The following OSBPL7 variants were observed in gnomAD, a reference collection of about 807,000 sequenced individuals.
The protein encoded by OSBPL7 is oxysterol-binding protein-related protein 7.
Under a neutral mutation model 115.8 loss-of-function variants are expected in OSBPL7, and 66 were observed. That is an observed-to-expected ratio of 0.57 (90% CI 0.47 to 0.70). The LOEUF is 0.70. OSBPL7 is among the 30% of genes least tolerant of loss of function. The pLI is 0.00. For synonymous variants in OSBPL7, 441 were observed against 439.2 expected, an observed-to-expected ratio of 1.00 and a Z score of -0.05; for missense variants, 902 against 1,125.5, an observed-to-expected ratio of 0.80 and a Z score of 2.84.
rs747610933 is a variant in OSBPL7 at position 47,815,401 on chromosome 17, G to C, written c.1120-49C>G. The C allele has an allele frequency of 1.9e-6, 3 of 1,606,574 alleles. No individual in the cohort carries two copies. The Admixed American group carries it at 5.1e-5, about 27-fold the overall frequency. On this transcript the variant is annotated intron_variant, in intron 12 of 22. Transcript: ENST00000007414. ...TCAGGCTCCGGGGCCAAGCCGGGGG[G>C]ATCAAGCAGGGCACCCGCTTGCCTG...
rs957212213 is a variant in OSBPL7 at position 47,818,255 on chromosome 17, C to T, written c.598+14G>A. The T allele has an allele frequency of 6.2e-6, 10 of 1,608,380 alleles. No homozygotes were observed. In the African/African-American group the frequency reaches 1.1e-4, roughly 17 times the overall value. ...GGGCCTACCCTTGGAGGTGCTGCGC[C>T]TAGGGCCCCTCACCATGAGAGCAGC... On this transcript the variant is annotated intron_variant, in intron 7 of 22. Transcript: ENST00000007414.
chr17:47,817,344 TG>T lies in OSBPL7; in HGVS notation c.613del (p.Gln205ArgfsTer33). On this transcript the variant is annotated frameshift_variant, in exon 8 of 23. Transcript: ENST00000007414. LOFTEE classifies it high-confidence loss of function. ...CCTGTGTAGTTCCTGGAGCTTCCCC[TG>T]ACACTCAGAGAGCTCTGCGGGGAAA... ...DRCSHELSEC[Q>X]GKLQELHRLL... 6.2e-7 allele frequency: 1 copy of T among 1,602,086 alleles called. No homozygotes were observed. The highest frequency in any genetic ancestry group is 8.5e-7 in the Non-Finnish European group (1 of 1,176,806).
chr17:47,814,479 A>ACCCCCCAACCACCCCCC, intron 14 of OSBPL7, 42 bp downstream of exon 14: 1 of 1,086,692 alleles, frequency 9.2e-7, no homozygotes, highest in Non-Finnish European at 1.4e-6. Flanking sequence ...CTGTTTTTCC[A>ACCCCCCAACCACCCCCC]CCCGCCTCCC....
At chr17:47,818,919 C>T (rs2033312982) in intron 5 of OSBPL7, 67 bp downstream of exon 5, 1 of 1,353,600 alleles carries the variant, frequency 7.4e-7, no homozygotes, top group African/African-American at 1.4e-5. Flanking sequence ...CAGCCCCTGC[C>T]CCTGTGTGTT....
At position 47,820,507 on chromosome 17, in the gene OSBPL7, G is replaced by A. The variant is rs558839272; in HGVS notation, c.-87-142C>T. 14 of 542,750 alleles carry A rather than the reference G, an allele frequency of 2.6e-5. No homozygotes were observed. In the East Asian group the frequency reaches 4.5e-4, roughly 17 times the overall value. 33.6% of individuals were successfully genotyped at this position (542,750 alleles called of 1,614,324 possible). On this transcript the variant is annotated intron_variant, in intron 1 of 22. Coordinates refer to ENST00000007414, the MANE Select transcript of OSBPL7 (RefSeq NM_145798.3). The stretch of plus-strand genomic sequence containing the variant: ...AAGCCTCTCCCAAGTCTGCCCCTCT[G>A]TCCCGACCCCACCCATTTTCACCTG...
intron 20 of OSBPL7, 33 bp from the exon 21 acceptor site, chr17:47,809,023 C>T: frequency 6.2e-7 from 1 of 1,613,802 alleles, no homozygotes; most frequent in Middle Eastern, 1.7e-4. Context: ...GGCAGGTGCA[C>T]CATGCCTGAG....
Position 47,810,629 on chromosome 17 carries a change from A to C in OSBPL7, c.1845T>G (p.Ile615Met), listed in dbSNP as rs752135128. Residue 615 changes from isoleucine to methionine, a missense_variant, in exon 18 of 23, where the codon ATT becomes ATG. Ile to Met is a conservative substitution (Grantham distance 10, BLOSUM62 1). Transcript: ENST00000007414. ...KNKFWGKSLEIVPVGTVNVSL... is the reference protein window; with the variant it reads ...KNKFWGKSLEMVPVGTVNVSL... The stretch of plus-strand genomic sequence containing the variant: ...TGACGTTGACTGTTCCCACAGGCAC[A>C]ATCTCCAGGGATTTGCCCCAGAACT... The C allele has an allele frequency of 6.2e-7, 1 of 1,614,184 alleles. No individual in the cohort carries two copies.
intron 18 of OSBPL7, 116 bp from the exon 19 acceptor site, chr17:47,809,594 C>A: frequency 8.4e-7 from 1 of 1,193,920 alleles, no homozygotes; most frequent in East Asian, 2.4e-5. Context: ...CCCTGGGGTC[C>A]CAACTCCAGT....
At chr17:47,814,902 G>A in intron 13 of OSBPL7, 1 of 563,200 alleles carries the variant, frequency 1.8e-6, no homozygotes, top group African/African-American at 1.9e-5. Context: ...GAGGGTCAGG[G>A]TTTTGGAAGA....
At chr17:47,815,518 A>G in intron 12 of OSBPL7, 166 bp from the exon 13 acceptor site, 1 of 820,854 alleles carries the variant, frequency 1.2e-6, no homozygotes, top group Non-Finnish European at 1.9e-6. Flanking sequence ...AGAGCGGGAC[A>G]AAGGCATAGT....
intron 16 of OSBPL7, 22 bp from the exon 17 acceptor site, chr17:47,810,857 C>T (rs777693100): frequency 1.2e-5 from 19 of 1,610,976 alleles, no homozygotes; most frequent in South Asian, 5.5e-5. Context: ...AAGAAGTTAT[C>T]TTGAGGCTGT....
In OSBPL7 at chr17:47,816,959, C is replaced by T; in HGVS notation, c.703-87G>A. The T allele has an allele frequency of 1.5e-6, 2 of 1,320,560 alleles. No homozygotes were observed. The highest frequency in any genetic ancestry group is 2.4e-5 in the South Asian group (2 of 84,158). The allele number at this position is 1,320,560 out of a possible 1,614,324, so 81.8% of individuals were successfully genotyped here. On this transcript the variant is annotated intron_variant, in intron 8 of 22. Coordinates refer to ENST00000007414, the MANE Select transcript of OSBPL7 (RefSeq NM_145798.3). The surrounding 1 kb of genome is among the most constrained non-coding windows in gnomAD (Gnocchi z 5.8). ...ACAGCCTGGGAGAGGTAGACGGCCT[C>T]CTGCGCCATGGAGGAGGGCGCAGAT... is the stretch of plus-strand genomic sequence containing the variant.
intron 16 of OSBPL7, among the ~76,000 whole-genome samples, chr17:47,812,851 T>C (rs1263215964): frequency 6.6e-6 from 1 of 152,104 alleles, no homozygotes; most frequent in African/African-American, 2.4e-5. Flanking sequence ...AAAACACACA[T>C]ACAAAAGCCC....
rs1185150791 is a variant in OSBPL7 at position 47,816,374 on chromosome 17, C to T, written c.1023+14G>A. On this transcript the variant is annotated intron_variant, in intron 11 of 22. Transcript: ENST00000007414. This position sits in a 1 kb window ranked among gnomAD's most constrained non-coding sequence, Gnocchi z 5.8. ...CCTCTCCCCGCACCAGTCACCCTGT[C>T]CCCCAGGCCTCACCCCCATTCTTGA... 1 of 1,492,752 alleles carries T rather than the reference C, an allele frequency of 6.7e-7. No individual in the cohort carries two copies. The highest frequency in any genetic ancestry group is 8.9e-7 in the Non-Finnish European group (1 of 1,117,898). The allele number at this position is 1,492,752 out of a possible 1,614,324, so 92.5% of individuals were successfully genotyped here.
chr17:47,817,166 T>C (rs2143550957), intron 8 of OSBPL7, 90 bp downstream of exon 8: 1 of 1,051,258 alleles, frequency 9.5e-7, no homozygotes, highest in South Asian at 1.5e-5. Context: ...TCCAGGAAAC[T>C]GCAGCGATGT....
chr17:47,810,532 C>T, intron 18 of OSBPL7, 62 bp downstream of exon 18: 1 of 1,469,284 alleles, frequency 6.8e-7, no homozygotes, highest in Non-Finnish European at 9.5e-7. Flanking sequence ...AAGGCCACGC[C>T]CCCTCCAGCC....
chr17:47,819,764 C>T lies in OSBPL7; in HGVS notation c.220G>A (p.Asp74Asn), dbSNP rs1246779086. ...GWHKRYFVLE[D>N]GILHYATTRQ... ...GTTGTTGCATAATGAAGGATCCCGT[C>T]CTCGAGCACAAAGTATCTCTGTGAT... Residue 74 changes from aspartate to asparagine, a missense_variant, in exon 4 of 23, where the codon GAC becomes AAC. By Grantham distance (23) the Asp-to-Asn change is conservative (BLOSUM62 1). Transcript: ENST00000007414. 6.2e-7 allele frequency: 1 copy of T among 1,614,154 alleles called. No individual in the cohort carries two copies. Among genetic ancestry groups the T allele is most frequent in the East Asian group, 2.2e-5 (1 of 44,886 alleles).
At chr17:47,819,501 C>T (rs148807868) in intron 4 of OSBPL7, 163 of 610,794 alleles carry the variant, frequency 2.7e-4, no homozygotes, top group African/African-American at 2.0e-3. Flanking sequence ...GAGCCTTGTA[C>T]GTATGACCTC....
At position 47,816,521 on chromosome 17, in the gene OSBPL7, C is replaced by A. The variant is rs780410718; in HGVS notation, c.929-39G>T. 2 of 1,579,912 alleles carry A rather than the reference C, an allele frequency of 1.3e-6. No individual in the cohort carries two copies. Among genetic ancestry groups the A allele is most frequent in the South Asian group, 2.3e-5 (2 of 86,688 alleles). On this transcript the variant is annotated intron_variant, in intron 10 of 22. Transcript: ENST00000007414. This position sits in a 1 kb window ranked among gnomAD's most constrained non-coding sequence, Gnocchi z 5.8. ...GGCAGACCATCAGAGTCCTCGCTCG[C>A]TCCTGTCCGCTCCCCACCAGCCCCT...
Sources: allele counts gnomAD v4.1 joint callset (sites outside exome capture counted in the v4.1 genomes callset), GRCh38; gene constraint gnomAD v4.1.1; non-coding constraint Gnocchi (gnomAD v3.1); transcripts MANE v1.5; gene names NCBI Gene and HGNC (gene_info 2026-07-23, HGNC 2026-07-21).